EFNA5: variants seen among roughly 807,000 people sequenced by gnomAD.
EFNA5 encodes ephrin A5.
Under a neutral mutation model 22.9 loss-of-function variants are expected in EFNA5, and 5 were observed. The ratio of observed to expected loss-of-function variants is 0.22; its 90% CI spans 0.11 to 0.46. The LOEUF (loss-of-function observed/expected upper bound fraction) is 0.46. EFNA5 is among the 20% of genes least tolerant of loss of function. The probability of loss-of-function intolerance (pLI) is 0.99; values close to 1 mark genes in which losing one functional copy is unlikely to be tolerated. For missense variants in EFNA5, 237 were observed against 293.3 expected (o/e 0.81, Z 1.40); for synonymous variants, 113 against 112.2 (o/e 1.01, Z -0.04).
At chr5:107,569,834 C>CA (rs67306022) in intron 1 of EFNA5, among the ~76,000 whole-genome samples, 1,511 of 86,434 alleles carry the variant, frequency 0.017, 19 homozygotes, top group African/African-American at 0.034. Context: ...CCTGGGAGAC[C>CA]AAAAAAAAAA....
intron 1 of EFNA5, among the ~76,000 whole-genome samples, chr5:107,451,505 CT>C (rs1225813517): frequency 6.6e-6 from 1 of 152,102 alleles, no homozygotes; most frequent in Non-Finnish European, 1.5e-5. Flanking sequence ...GAGATATCAA[CT>C]ACTTCATTGT....
intron 1 of EFNA5, among the ~76,000 whole-genome samples, chr5:107,582,713 C>G (rs534273179): frequency 6.7e-6 from 1 of 149,770 alleles, no homozygotes; most frequent in South Asian, 2.1e-4. Context: ...TAAAACTAAA[C>G]ATAATTTCTA....
rs897226853 is a variant in EFNA5, at chr5:107,627,818, T to C, written c.125+42671A>G. 5.3e-5 allele frequency among the ~76,000 whole-genome samples: 8 copies of C among 152,314 alleles called. No homozygotes were observed. In the East Asian group the frequency reaches 1.5e-3, roughly 29 times the overall value. On this transcript the variant is annotated intron_variant, in intron 1 of 4. Transcript: ENST00000333274. ...TGATGTTTACACAAGTTGCAAACAT[T>C]TGTTTTTACTAGAAGAGACTAAGTC... is the stretch of plus-strand genomic sequence containing the variant.
At chr5:107,517,158 TAA>T (rs76124762) in intron 1 of EFNA5, among the ~76,000 whole-genome samples, 4 of 136,234 alleles carry the variant, frequency 2.9e-5, no homozygotes, top group Admixed American at 1.5e-4. Flanking sequence ...ACACTGTTAC[TAA>T]AAAAAAAAAA....
At chr5:107,444,298 C>G (rs1749337601) in intron 1 of EFNA5, among the ~76,000 whole-genome samples, 1 of 152,192 alleles carries the variant, frequency 6.6e-6, no homozygotes. Flanking sequence ...CTAATTTATG[C>G]AAGTTCATTT....
chr5:107,490,782 T>A (rs25971), intron 1 of EFNA5, among the ~76,000 whole-genome samples: 1 of 152,076 alleles, frequency 6.6e-6, no homozygotes, highest in Non-Finnish European at 1.5e-5. Context: ...TCCTCTTTAC[T>A]TACTGTGTCA....
At chr5:107,585,333 A>C (rs911330142) in intron 1 of EFNA5, among the ~76,000 whole-genome samples, 1 of 152,186 alleles carries the variant, frequency 6.6e-6, no homozygotes, top group Non-Finnish European at 1.5e-5. Context: ...ATTGCACTAC[A>C]TCAAGGGCAC....
At chr5:107,395,031 G>GTTTTTT (rs1257797158) in intron 2 of EFNA5, among the ~76,000 whole-genome samples, 1 of 28,820 alleles carries the variant, frequency 3.5e-5, no homozygotes, top group African/African-American at 1.3e-4. Flanking sequence ...AGGATTTCTA[G>GTTTTTT]TTCTTTTTTT....
chr5:107,568,298 A>G (rs1416214695), intron 1 of EFNA5, among the ~76,000 whole-genome samples: 1 of 152,136 alleles, frequency 6.6e-6, no homozygotes, highest in Admixed American at 6.5e-5. Context: ...AGGGGAGGGG[A>G]AGAAAAAAAG....
At chr5:107,569,559 T>TTATTTATATA (rs1554067018) in intron 1 of EFNA5, among the ~76,000 whole-genome samples, 1 of 42,530 alleles carries the variant, frequency 2.4e-5, no homozygotes, top group Non-Finnish European at 4.3e-5. Flanking sequence ...ATATATATAT[T>TTATTTATATA]TATATATATA....
intron 1 of EFNA5, among the ~76,000 whole-genome samples, chr5:107,476,058 T>TACATATATATATA: frequency 2.4e-5 from 1 of 41,078 alleles, no homozygotes; most frequent in East Asian, 7.1e-4. Flanking sequence ...ATATATATAT[T>TACATATATATATA]TTTTTTTTTT....
intron 1 of EFNA5, among the ~76,000 whole-genome samples, chr5:107,582,514 A>G (rs1011369092): frequency 6.6e-6 from 1 of 152,184 alleles, no homozygotes; most frequent in Non-Finnish European, 1.5e-5. Context: ...AAGCTAAACA[A>G]GAAATGTGGT....
At chr5:107,468,205 C>G (rs1750043869) in intron 1 of EFNA5, among the ~76,000 whole-genome samples, 2 of 152,050 alleles carry the variant, frequency 1.3e-5, no homozygotes, top group South Asian at 4.1e-4. Context: ...TTTGTTTTGT[C>G]AGAAGGAAAG....
intron 1 of EFNA5, among the ~76,000 whole-genome samples, chr5:107,632,023 C>T (rs917730901): frequency 3.9e-5 from 6 of 152,228 alleles, no homozygotes; most frequent in African/African-American, 1.4e-4. Context: ...GCCTTCCAGC[C>T]ACCAGTTGCC....
chr5:107,636,606 TC>T (rs1292247029), intron 1 of EFNA5, among the ~76,000 whole-genome samples: 7 of 152,248 alleles, frequency 4.6e-5, no homozygotes, highest in East Asian at 1.9e-4. Context: ...AGTTACCATA[TC>T]CCATCATATT....
intron 1 of EFNA5, among the ~76,000 whole-genome samples, chr5:107,436,871 A>G (rs1749124280): frequency 6.6e-6 from 1 of 152,170 alleles, no homozygotes; most frequent in Non-Finnish European, 1.5e-5. Context: ...TACAAAAGAG[A>G]GGAGAGTTAC....
intron 1 of EFNA5, among the ~76,000 whole-genome samples, chr5:107,615,969 ATAAAT>A (rs1315377902): frequency 2.0e-5 from 3 of 152,234 alleles, no homozygotes; most frequent in Non-Finnish European, 2.9e-5. Context: ...TTCTGCATTT[ATAAAT>A]TATTCTTCAA....
At chr5:107,550,519 GGGAAGA>G (rs1748271386) in intron 1 of EFNA5, among the ~76,000 whole-genome samples, 1 of 152,030 alleles carries the variant, frequency 6.6e-6, no homozygotes, top group African/African-American at 2.4e-5. Context: ...TTTTTCAAAT[GGGAAGA>G]AAAACACATA....
chr5:107,526,845 A>G (rs1351026186), intron 1 of EFNA5, among the ~76,000 whole-genome samples: 1 of 152,214 alleles, frequency 6.6e-6, no homozygotes, highest in African/African-American at 2.4e-5. Context: ...AAAATAGCTT[A>G]CAATGCCAGG....
Sources: allele counts gnomAD v4.1 joint callset (sites outside exome capture counted in the v4.1 genomes callset), GRCh38; gene constraint gnomAD v4.1.1; transcripts MANE v1.5; gene names NCBI Gene and HGNC (gene_info 2026-07-23, HGNC 2026-07-21).